Variants in TMEM117 observed in about 807,000 individuals in gnomAD.
TMEM117 encodes the protein transmembrane protein 117.
In TMEM117, 27 loss-of-function variants were observed where a neutral mutation model predicts 52.4. The observed-to-expected ratio is 0.51, with a 90% CI of 0.38 to 0.71. The LOEUF (loss-of-function observed/expected upper bound fraction) is 0.71. Ranked by LOEUF, TMEM117 falls within the 30% of genes least tolerant of loss-of-function variation. The pLI, the probability that TMEM117 is intolerant of heterozygous loss-of-function variation, is 0.00. For missense variants in TMEM117, 556 were observed against 630.5 expected (o/e 0.88, Z 1.26); for synonymous variants, 215 against 206.3 (o/e 1.04, Z -0.36).
At chr12:43,831,219 T>G (rs1942979278), upstream of TMEM117, among the ~76,000 whole-genome samples, 1 of 152,164 alleles carries the variant, frequency 6.6e-6, no homozygotes, top group African/African-American at 2.4e-5. Context: ...ATATTCAGAG[T>G]ATGTAATTAG....
intron 4 of TMEM117, among the ~76,000 whole-genome samples, chr12:44,172,007 C>T (rs181859355): frequency 1.1e-4 from 17 of 152,254 alleles, no homozygotes; most frequent in African/African-American, 3.1e-4. Flanking sequence ...CAGAATAAAA[C>T]ATAGTGGGTG....
At chr12:43,828,681 T>G in the TMEM117 span, among the ~76,000 whole-genome samples, 1 of 152,232 alleles carries the variant, frequency 6.6e-6, no homozygotes, top group African/African-American at 2.4e-5. Flanking sequence ...TCTGAGTCCC[T>G]GCCCCCATCC....
chr12:43,872,690 C>A (rs1286371928), intron 2 of TMEM117, among the ~76,000 whole-genome samples: 3 of 152,138 alleles, frequency 2.0e-5, no homozygotes, highest in African/African-American at 7.2e-5. Flanking sequence ...TTTCCATCTT[C>A]CAGTTATGAC....
intron 2 of TMEM117, among the ~76,000 whole-genome samples, chr12:43,903,962 A>G (rs1336957499): frequency 1.3e-5 from 2 of 152,168 alleles, no homozygotes; most frequent in Non-Finnish European, 2.9e-5. Context: ...AACAAAGCCC[A>G]ATTCTTTAAC....
chr12:44,249,084 C>T (rs1016498158), intron 5 of TMEM117: 2 of 152,170 alleles, frequency 1.3e-5, no homozygotes, highest in African/African-American at 4.8e-5. Context: ...CTCAAGGACC[C>T]TTTACTCATG....
chr12:44,012,163 A>C (rs2137810430), intron 3 of TMEM117, among the ~76,000 whole-genome samples: 1 of 152,124 alleles, frequency 6.6e-6, no homozygotes, highest in South Asian at 2.1e-4. Context: ...TATATTTCTT[A>C]TCTTTTTTCC....
chr12:44,376,565 C>T (rs1951943692), intron 6 of TMEM117, 30 bp from the exon 7 acceptor site: 1 of 1,582,466 alleles, frequency 6.3e-7, no homozygotes, highest in Admixed American at 1.9e-5. Flanking sequence ...AAACGAATCA[C>T]AAATGTTTTT....
chr12:43,819,421 AGATGTCT>A, the TMEM117 span, among the ~76,000 whole-genome samples: 1 of 152,136 alleles, frequency 6.6e-6, no homozygotes, highest in Admixed American at 6.5e-5. Flanking sequence ...ATTTCAGAAG[AGATGTCT>A]GACCCAACAG....
downstream of TMEM117, among the ~76,000 whole-genome samples, chr12:44,393,547 C>A (rs546106867): frequency 6.9e-6 from 1 of 143,994 alleles, no homozygotes; most frequent in Admixed American, 6.7e-5. Flanking sequence ...GGACTGAAAG[C>A]TAGCCAAATG....
At chr12:43,805,925 G>C in the TMEM117 span, 1 of 1,516,730 alleles carries the variant, frequency 6.6e-7, no homozygotes, top group South Asian at 1.1e-5. Context: ...GACTGTCGGG[G>C]ACGGTGGAAG....
rs185962694 is a variant in TMEM117 at position 44,268,268 on chromosome 12, G to A, written c.609-31312G>A. On this transcript the variant is annotated intron_variant, in intron 5 of 7. Transcript: ENST00000266534. Reference sequence around the variant, plus strand: ...TTCTTCTGCCTCAAGCTCCCAAGTAGCTAGGACTGCAGACATGCACCGCCA... The same window carrying A: ...TTCTTCTGCCTCAAGCTCCCAAGTAACTAGGACTGCAGACATGCACCGCCA... Among the ~76,000 whole-genome samples, 22 of 151,898 alleles carry A rather than the reference G, an allele frequency of 1.4e-4. No homozygotes were observed. The East Asian group carries it at 1.9e-3, about 13-fold the overall frequency.
intron 3 of TMEM117, among the ~76,000 whole-genome samples, chr12:44,116,444 C>G (rs900898141): frequency 6.6e-6 from 1 of 151,232 alleles, no homozygotes; most frequent in Non-Finnish European, 1.5e-5. Context: ...ATCTTTCTCT[C>G]AATCTCAGAT....
intron 4 of TMEM117, among the ~76,000 whole-genome samples, chr12:44,174,628 A>G (rs1446990891): frequency 3.3e-5 from 5 of 152,254 alleles, no homozygotes. Context: ...CAACAAAAAC[A>G]TACTGAATAG....
At chr12:44,310,929 C>T (rs1216805831) in intron 6 of TMEM117, among the ~76,000 whole-genome samples, 1 of 152,044 alleles carries the variant, frequency 6.6e-6, no homozygotes, top group Non-Finnish European at 1.5e-5. Context: ...TTTCTCAGCT[C>T]TCATGTAACT....
At chr12:44,309,691 ATAT>A (rs1950948880) in intron 6 of TMEM117, among the ~76,000 whole-genome samples, 1 of 151,872 alleles carries the variant, frequency 6.6e-6, no homozygotes, top group African/African-American at 2.4e-5. Flanking sequence ...AATATTATTA[ATAT>A]TATTTATAAC....
At chr12:44,340,312 A>G (rs960495421) in intron 6 of TMEM117, among the ~76,000 whole-genome samples, 1 of 152,136 alleles carries the variant, frequency 6.6e-6, no homozygotes, top group African/African-American at 2.4e-5. Context: ...TGGCTAATAC[A>G]TTTCCCAAGA....
intron 3 of TMEM117, among the ~76,000 whole-genome samples, chr12:44,078,613 C>G (rs1485656813): frequency 1.3e-5 from 2 of 151,844 alleles, no homozygotes; most frequent in African/African-American, 4.8e-5. Flanking sequence ...ATTTTTTTTT[C>G]CTGAGGATAC....
intron 6 of TMEM117, among the ~76,000 whole-genome samples, chr12:44,336,705 A>G (rs1316381401): frequency 1.3e-5 from 2 of 151,930 alleles, no homozygotes; most frequent in Non-Finnish European, 1.5e-5. Context: ...AAAAAAAACC[A>G]TAGGGGTTTT....
At chr12:44,060,329 A>G (rs1190944779) in intron 3 of TMEM117, among the ~76,000 whole-genome samples, 1 of 152,226 alleles carries the variant, frequency 6.6e-6, no homozygotes, top group African/African-American at 2.4e-5. Context: ...GGGCAACTGT[A>G]GAAGGATTCA....
Sources: gnomAD v4.1 joint callset for allele counts (sites outside exome capture counted in the v4.1 genomes callset) on GRCh38, gnomAD v4.1.1 for gene constraint, MANE v1.5 for transcripts, NCBI Gene and HGNC (gene_info 2026-07-23, HGNC 2026-07-21) for gene names.